PXDNL: variants seen among roughly 807,000 people sequenced by gnomAD.
PXDNL encodes the protein peroxidasin like, also known as probable oxidoreductase PXDNL.
PXDNL carries 145 observed loss-of-function variants against 150.8 expected under a neutral mutation model. The ratio of observed to expected loss-of-function variants is 0.96; its 90% CI spans 0.84 to 1.10. The LOEUF (loss-of-function observed/expected upper bound fraction) is 1.10. Ranked by LOEUF, PXDNL falls within the 50% of genes least tolerant of loss-of-function variation. The pLI is 0.00. For missense variants in PXDNL, 2,087 were observed against 1,873.9 expected, an observed-to-expected ratio of 1.11 and a Z score of -2.10; for synonymous variants, 757 against 725.7, an observed-to-expected ratio of 1.04 and a Z score of -0.69.
intron 1 of PXDNL, among the ~76,000 whole-genome samples, chr8:51,659,863 ATT>A (rs1815230680): frequency 1.8e-5 from 2 of 113,644 alleles, no homozygotes; most frequent in African/African-American, 9.9e-5. Flanking sequence ...TGCAGTATTT[ATT>A]TATTTATTTA....
At chr8:51,586,215 G>A (rs951843297) in intron 3 of PXDNL, among the ~76,000 whole-genome samples, 3 of 152,116 alleles carry the variant, frequency 2.0e-5, no homozygotes, top group Non-Finnish European at 4.4e-5. Context: ...ACTATGCTAG[G>A]GATAAGATCA....
At chr8:51,525,690 G>A (rs1157420801) in intron 4 of PXDNL, among the ~76,000 whole-genome samples, 1 of 152,150 alleles carries the variant, frequency 6.6e-6, no homozygotes, top group African/African-American at 2.4e-5. Flanking sequence ...CCTGGCTCAG[G>A]GAAGATTCTG....
chr8:51,384,731 TTTTC>T lies in PXDNL; in HGVS notation c.3558-10004_3558-10001del, dbSNP rs542570866. Among the ~76,000 whole-genome samples the T allele has an allele frequency of 4.6e-5, 7 of 152,230 alleles. No homozygotes were observed. The East Asian group carries it at 1.4e-3, about 29-fold the overall frequency. On this transcript the variant is annotated intron_variant, in intron 17 of 22. Coordinates refer to ENST00000356297, the MANE Select transcript of PXDNL (RefSeq NM_144651.5). ...TTTTTGCTTTTATGGGAGGAGGAAC[TTTTC>T]TTTCTACTACTACTTTAAAGGAGGA...
At chr8:51,492,644 C>G (rs544352403) in intron 5 of PXDNL, among the ~76,000 whole-genome samples, 1 of 152,212 alleles carries the variant, frequency 6.6e-6, no homozygotes, top group South Asian at 2.1e-4. Context: ...TATCCCGCAC[C>G]TGGCTCGGAG....
At chr8:51,578,107 AAAG>A (rs1380481854) in intron 3 of PXDNL, among the ~76,000 whole-genome samples, 1 of 120,098 alleles carries the variant, frequency 8.3e-6, no homozygotes, top group Non-Finnish European at 1.9e-5. Context: ...AAAGAAAAAG[AAAG>A]AAAGAAAGAA....
intron 2 of PXDNL, among the ~76,000 whole-genome samples, chr8:51,593,674 T>A (rs1393222526): frequency 6.6e-6 from 1 of 152,222 alleles, no homozygotes; most frequent in African/African-American, 2.4e-5. Flanking sequence ...CAAGCTCATC[T>A]GTTCCTAACT....
At chr8:51,740,585 A>G (rs1465318278) in intron 1 of PXDNL, among the ~76,000 whole-genome samples, 5 of 151,900 alleles carry the variant, frequency 3.3e-5, no homozygotes, top group African/African-American at 4.8e-5. Flanking sequence ...ATGATCAGTG[A>G]TTTGCTTTTT....
intron 3 of PXDNL, among the ~76,000 whole-genome samples, chr8:51,583,836 T>C (rs1171245442): frequency 6.6e-6 from 1 of 152,170 alleles, no homozygotes; most frequent in Non-Finnish European, 1.5e-5. Context: ...CAAAATATGC[T>C]GACAAAGTAA....
intron 1 of PXDNL, among the ~76,000 whole-genome samples, chr8:51,802,772 A>G (rs1047583963): frequency 2.1e-4 from 32 of 152,330 alleles, no homozygotes; most frequent in African/African-American, 7.2e-4. Context: ...ATACCCCTTC[A>G]TGCATCCTGT....
intron 2 of PXDNL, among the ~76,000 whole-genome samples, chr8:51,637,722 T>G (rs1387958326): frequency 3.3e-5 from 5 of 152,214 alleles, no homozygotes; most frequent in Admixed American, 3.3e-4. Flanking sequence ...AATCTACATC[T>G]GATTGGTCTA....
At chr8:51,445,869 C>T (rs1207042134) in intron 12 of PXDNL, among the ~76,000 whole-genome samples, 3 of 152,082 alleles carry the variant, frequency 2.0e-5, no homozygotes, top group Admixed American at 2.0e-4. Context: ...TGCCAGGGCA[C>T]GTCATAGCCT....
intron 1 of PXDNL, among the ~76,000 whole-genome samples, chr8:51,670,096 G>A (rs1815469569): frequency 6.6e-6 from 1 of 152,090 alleles, no homozygotes; most frequent in Admixed American, 6.5e-5. Flanking sequence ...AATATAGCCG[G>A]TTGTGGTGGT....
At chr8:51,577,338 A>C (rs1413360134) in intron 3 of PXDNL, among the ~76,000 whole-genome samples, 2 of 151,628 alleles carry the variant, frequency 1.3e-5, no homozygotes, top group Non-Finnish European at 3.0e-5. Flanking sequence ...AAGTAGTTCA[A>C]TATTCAAAAA....
At chr8:51,529,707 C>T (rs952541050) in intron 4 of PXDNL, among the ~76,000 whole-genome samples, 4 of 152,180 alleles carry the variant, frequency 2.6e-5, no homozygotes, top group Admixed American at 6.5e-5. Flanking sequence ...CAGATGCACA[C>T]AGCCAGCTAC....
intron 8 of PXDNL, among the ~76,000 whole-genome samples, chr8:51,466,977 A>C (rs1810218583): frequency 6.6e-6 from 1 of 152,216 alleles, no homozygotes; most frequent in African/African-American, 2.4e-5. Context: ...TGCAGAGAGC[A>C]GTTTGAAGAT....
At chr8:51,643,666 T>A (rs1013862261) in intron 2 of PXDNL, among the ~76,000 whole-genome samples, 2 of 152,104 alleles carry the variant, frequency 1.3e-5, no homozygotes, top group African/African-American at 4.8e-5. Flanking sequence ...CCAAAAGCAA[T>A]GGCAACAAAA....
chr8:51,809,248 T>C lies in PXDNL; in HGVS notation c.97A>G (p.Ser33Gly). 3 of 1,611,852 alleles carry C rather than the reference T, an allele frequency of 1.9e-6. No individual in the cohort carries two copies. Among genetic ancestry groups the C allele is most frequent in the Non-Finnish European group, 2.5e-6 (3 of 1,179,000 alleles). Residue 33 changes from serine (S) to glycine (G), a missense_variant, in exon 1 of 23, where the codon AGC becomes GGC. By Grantham distance (56) the Ser-to-Gly change is moderately conservative (BLOSUM62 0). Coordinates refer to ENST00000356297, the MANE Select transcript of PXDNL (RefSeq NM_144651.5). ...PCPSRCLCFK[S>G]TVRCMHLMLD... ...ATCAAGTGCATGCAGCGGACGGTGC[T>C]CTTAAAGCAAAGGCACCGGCTGGGG...
At chr8:51,439,950 T>A (rs1809500391) in intron 12 of PXDNL, among the ~76,000 whole-genome samples, 1 of 151,812 alleles carries the variant, frequency 6.6e-6, no homozygotes, top group Non-Finnish European at 1.5e-5. Flanking sequence ...TGCAGGTTTA[T>A]AACAGCACAA....
Position 51,408,658 on chromosome 8 carries a change from T to G in PXDNL, c.2966A>C (p.Asn989Thr). The change falls in exon 17 of 23, where the codon AAC becomes ACC. Residue 989 changes from asparagine to threonine, a missense_variant. Coordinates refer to ENST00000356297, the MANE Select transcript of PXDNL (RefSeq NM_144651.5). ...NRMATELSAL[N>T]PHWEGNTVYQ... ...AACCGTGTTTCCCTCCCAGTGGGGG[T>G]TCAGGGCGGACAGCTCCGTGGCCAT... 1 of 1,604,568 alleles carries G rather than the reference T, an allele frequency of 6.2e-7. No individual in the cohort carries two copies. The highest frequency in any genetic ancestry group is 8.5e-7 in the Non-Finnish European group (1 of 1,175,390).
Sources: gnomAD v4.1 joint callset for allele counts (sites outside exome capture counted in the v4.1 genomes callset) on GRCh38, gnomAD v4.1.1 for gene constraint, MANE v1.5 for transcripts, NCBI Gene and HGNC (gene_info 2026-07-23, HGNC 2026-07-21) for gene names.